Variants in PLCE1 observed in about 807,000 individuals in gnomAD.
PLCE1 encodes 1-phosphatidylinositol 4,5-bisphosphate phosphodiesterase epsilon-1.
In PLCE1, 119 loss-of-function variants were observed where a neutral mutation model predicts 242.8. That is an observed-to-expected ratio of 0.49 (90% confidence interval 0.42 to 0.57). PLCE1 has a LOEUF of 0.57. Among genes scored for constraint, PLCE1 ranks in the 20% least tolerant of loss-of-function variants. PLCE1 has a pLI of 0.00. For synonymous variants in PLCE1, 945 were observed against 1,017.4 expected, an observed-to-expected ratio of 0.93 and a Z score of 1.35; for missense variants, 2,441 against 2,788.8, an observed-to-expected ratio of 0.88 and a Z score of 2.81.
In PLCE1 at chr10:94,306,635, A is replaced by G. The variant is rs1344794553; in HGVS notation, c.5831A>G (p.Asn1944Ser). 8 of 1,614,184 alleles carry G rather than the reference A, an allele frequency of 5.0e-6. No individual in the cohort carries two copies. Among genetic ancestry groups the G allele is most frequent in the East Asian group, 2.2e-5 (1 of 44,874 alleles). Residue 1944 changes from asparagine (N) to serine (S), a missense_variant, in exon 26 of 33, where the codon AAT becomes AGT. This residue lies in a region of PLCE1 where 1,004 missense variants were observed against 1,322.7 expected (regional missense o/e 0.76). Transcript: ENST00000371380. The surrounding 1 kb of genome is among the most constrained non-coding windows in gnomAD (Gnocchi z 5.7). ...VFLRFAVVEN[N>S]SSAVTAQRII... ...CTTCGTTTTGCAGTTGTGGAAAACA[A>G]TAGTTCAGCGGTAACTGCTCAGAGA... is the stretch of plus-strand genomic sequence containing the variant.
chr10:94,143,538 A>G (rs1359605065), intron 3 of PLCE1, among the ~76,000 whole-genome samples: 1 of 152,230 alleles, frequency 6.6e-6, no homozygotes, highest in Non-Finnish European at 1.5e-5. Flanking sequence ...TAATCTGTTT[A>G]TAATAACATG....
chr10:94,229,506 G>A (rs889556491), intron 5 of PLCE1, among the ~76,000 whole-genome samples: 1 of 152,202 alleles, frequency 6.6e-6, no homozygotes, highest in Non-Finnish European at 1.5e-5. Context: ...ACATAGGACA[G>A]CATGGATTCC....
intron 3 of PLCE1, chr10:94,138,496 C>A (rs1202713219): frequency 4.4e-6 from 2 of 455,910 alleles, no homozygotes; most frequent in Admixed American, 2.5e-5. Flanking sequence ...CAGATATGTC[C>A]GTAGTAATGG....
intron 19 of PLCE1, among the ~76,000 whole-genome samples, chr10:94,277,805 G>A (rs1311421217): frequency 6.6e-6 from 1 of 152,182 alleles, no homozygotes; most frequent in Non-Finnish European, 1.5e-5. Context: ...TCCTGGTTAA[G>A]TAAGCATGGG....
At position 94,227,296 on chromosome 10, in the gene PLCE1, T is replaced by A. The variant is rs1304245069; in HGVS notation, c.1810-10T>A. ...CATAATTCCCGTGAATGTCTCTGTG[T>A]GTTTTCCAGGTGAGCTCCTGGGTGA... On this transcript the variant is annotated splice_polypyrimidine_tract_variant and intron_variant, in intron 4 of 32. Transcript: ENST00000371380. 13 of 1,613,868 alleles carry A rather than the reference T, an allele frequency of 8.1e-6. No individual in the cohort carries two copies. The highest frequency in any genetic ancestry group is 1.7e-5 in the Admixed American group (1 of 60,026).
At chr10:94,214,932 G>A (rs950800006) in intron 4 of PLCE1, among the ~76,000 whole-genome samples, 9 of 152,136 alleles carry the variant, frequency 5.9e-5, no homozygotes, top group South Asian at 4.1e-4. Flanking sequence ...GGGTACTTGC[G>A]TAAGCTATGT....
At chr10:94,163,330 C>G (rs1450612239) in intron 3 of PLCE1, among the ~76,000 whole-genome samples, 1 of 152,156 alleles carries the variant, frequency 6.6e-6, no homozygotes, top group Non-Finnish European at 1.5e-5. Context: ...CTTTATGAAT[C>G]TGGGTGCTCC....
intron 28 of PLCE1, chr10:94,315,482 G>T (rs919503388): frequency 2.2e-6 from 1 of 455,994 alleles, no homozygotes; most frequent in East Asian, 7.0e-5. Flanking sequence ...ATATGAGTGA[G>T]AAAATACATT....
chr10:94,325,247 G>A, intron 32 of PLCE1, 143 bp downstream of exon 32: 1 of 663,580 alleles, frequency 1.5e-6, no homozygotes, highest in Non-Finnish European at 2.7e-6. Context: ...CTTAAAACAG[G>A]AAAAGGGCTC....
At chr10:94,318,379 C>G (rs150908409) in intron 29 of PLCE1, among the ~76,000 whole-genome samples, 1 of 152,132 alleles carries the variant, frequency 6.6e-6, no homozygotes, top group African/African-American at 2.4e-5. Flanking sequence ...ATCCTCTAAG[C>G]GATGTCAGAA....
intron 2 of PLCE1, among the ~76,000 whole-genome samples, chr10:94,063,643 G>A (rs2044121564): frequency 6.6e-6 from 1 of 152,210 alleles, no homozygotes; most frequent in Admixed American, 6.5e-5. Context: ...TGGGAGTACA[G>A]TGGCAAACAC....
chr10:94,280,088 T>G (rs898786515), intron 20 of PLCE1, 177 bp downstream of exon 20: 3 of 656,656 alleles, frequency 4.6e-6, no homozygotes, highest in Non-Finnish European at 8.0e-6. Context: ...GGGATTCTGT[T>G]AGCCAACACT....
intron 4 of PLCE1, among the ~76,000 whole-genome samples, chr10:94,179,922 T>C (rs2048255677): frequency 6.7e-6 from 1 of 150,374 alleles, no homozygotes; most frequent in Non-Finnish European, 1.5e-5. Flanking sequence ...CAGTAGTGGT[T>C]TGATGTTAGT....
At chr10:94,134,814 C>T (rs1180588552) in intron 3 of PLCE1, among the ~76,000 whole-genome samples, 1 of 152,212 alleles carries the variant, frequency 6.6e-6, no homozygotes, top group African/African-American at 2.4e-5. Flanking sequence ...CTAGCTCTGA[C>T]ACTCACCAGA....
intron 2 of PLCE1, among the ~76,000 whole-genome samples, chr10:94,069,120 A>T (rs920671263): frequency 2.6e-5 from 4 of 152,250 alleles, no homozygotes; most frequent in Non-Finnish European, 5.9e-5. Context: ...CCTAAGTCCT[A>T]GCCTATGCTA....
At chr10:94,137,958 C>A (rs1564723781) in intron 3 of PLCE1, 4 of 393,968 alleles carry the variant, frequency 1.0e-5, no homozygotes, top group South Asian at 7.4e-5. Flanking sequence ...TACATTAAAT[C>A]CTTGCACTCC....
chr10:94,305,319 C>T (rs959723652), intron 25 of PLCE1, among the ~76,000 whole-genome samples: 1 of 152,198 alleles, frequency 6.6e-6, no homozygotes, highest in African/African-American at 2.4e-5. Flanking sequence ...CCTGTACTCC[C>T]AGCTACTTGG....
intron 4 of PLCE1, among the ~76,000 whole-genome samples, chr10:94,172,260 C>T (rs1440283746): frequency 6.6e-6 from 1 of 152,174 alleles, no homozygotes; most frequent in Non-Finnish European, 1.5e-5. Flanking sequence ...GGGCGGACTG[C>T]ACTCTTGGGC....
At chr10:94,304,769 C>T in intron 25 of PLCE1, 124 bp downstream of exon 25, 1 of 871,730 alleles carries the variant, frequency 1.1e-6, no homozygotes. Flanking sequence ...AGATTTAGTT[C>T]CCAGAATAAT....
Sources: allele counts gnomAD v4.1 joint callset (sites outside exome capture counted in the v4.1 genomes callset), GRCh38; gene constraint gnomAD v4.1.1; regional missense constraint gnomAD v4.1.1; non-coding constraint Gnocchi (gnomAD v3.1); transcripts MANE v1.5; gene names NCBI Gene and HGNC (gene_info 2026-07-23, HGNC 2026-07-21).